Variants in MUC6 observed in about 807,000 individuals in gnomAD.
MUC6 encodes mucin-6.
In MUC6, 188 loss-of-function variants were observed where a neutral mutation model predicts 201.5. The ratio of observed to expected loss-of-function variants is 0.93; its 90% CI spans 0.83 to 1.05. MUC6 has a LOEUF of 1.05. Among genes scored for constraint, MUC6 ranks in the 50% least tolerant of loss-of-function variants. The pLI is 0.00. For missense variants in MUC6, 2,706 were observed against 3,256.9 expected, an observed-to-expected ratio of 0.83 and a Z score of 4.12; for synonymous variants, 1,228 against 1,389.4, an observed-to-expected ratio of 0.88 and a Z score of 2.58.
At position 1,013,415 on chromosome 11, in the gene MUC6, T is replaced by A; in HGVS notation, c.*41A>T. 6.6e-7 allele frequency: 1 copy of A among 1,522,110 alleles called. No homozygotes were observed. Among genetic ancestry groups the A allele is most frequent in the Non-Finnish European group, 8.8e-7 (1 of 1,130,942 alleles). The allele number at this position is 1,522,110 out of a possible 1,614,324, so 94.3% of individuals were successfully genotyped here. A position where few individuals can be genotyped will look rare whatever the true frequency, so the allele number is the denominator to read the frequency against. ...CTGGTGGGTGTTTTCCTGTCTGTCA[T>A]CTGCAGTCCTTCAGCCCCAGGAGAG... On this transcript the variant is annotated 3_prime_UTR_variant, in exon 33 of 33. Coordinates refer to ENST00000421673, the MANE Select transcript of MUC6 (RefSeq NM_005961.3).
intron 1 of MUC6, among the ~76,000 whole-genome samples, chr11:1,034,809 T>C (rs1857180813): frequency 6.6e-6 from 1 of 152,052 alleles, no homozygotes; most frequent in African/African-American, 2.4e-5. Context: ...CTGCCCCGGG[T>C]GGGTGCCTCA....
At position 1,031,181 on chromosome 11, in the gene MUC6, C is replaced by A. The variant is rs867922769; in HGVS notation, c.562G>T (p.Val188Phe). 8.4e-6 allele frequency: 13 copies of A among 1,552,620 alleles called. No individual in the cohort carries two copies. Among genetic ancestry groups the A allele is most frequent in the Non-Finnish European group, 1.1e-5 (13 of 1,147,694 alleles). ...TGCCCCCACCTACCCTCCTCACTGA[C>A]AAACTCGTTGGTCACCTTCCCGTCA... ...NFDGKVTNEF[V>F]SEEGKFLEPH... The change falls in exon 5 of 33, where the codon GTC becomes TTC. Residue 188 changes from valine to phenylalanine, a missense_variant. Physicochemically the swap from Val to Phe is conservative, Grantham distance 50. Transcript: ENST00000421673.
At chr11:1,021,336 G>A in intron 26 of MUC6, 59 bp from the exon 27 acceptor site, 1 of 1,100,284 alleles carries the variant, frequency 9.1e-7, no homozygotes, top group Non-Finnish European at 1.2e-6. Flanking sequence ...CCACCTGCGT[G>A]TTTCCTGCCC....
In MUC6 at chr11:1,026,355, C is replaced by G; in HGVS notation, c.2518G>C (p.Ala840Pro). The stretch of plus-strand genomic sequence containing the variant: ...GTCCTGCAGTCAGTGTGGAGCTCAG[C>G]TCCTCCAGGGTAGGAGACCCCCGAG... ...EFSGVSYPGGAELHTDCRTCS... is the reference protein window; with the variant it reads ...EFSGVSYPGGPELHTDCRTCS... Residue 840 changes from alanine to proline, a missense_variant, in exon 20 of 33, where the codon GCT (alanine) becomes CCT (proline). By Grantham distance (27) the Ala-to-Pro change is conservative (BLOSUM62 -1). Coordinates refer to ENST00000421673, the MANE Select transcript of MUC6 (RefSeq NM_005961.3). 1 of 1,595,358 alleles carries G rather than the reference C, an allele frequency of 6.3e-7. No individual in the cohort carries two copies. The highest frequency in any genetic ancestry group is 8.5e-7 in the Non-Finnish European group (1 of 1,171,346).
chr11:1,026,344 G>C lies in MUC6; in HGVS notation c.2529C>G (p.His843Gln), dbSNP rs771608809. Reference protein sequence around the residue: ...GVSYPGGAELHTDCRTCSCSR... With the variant: ...GVSYPGGAELQTDCRTCSCSR... Reference sequence around the variant, plus strand: ...TGTCTCACCAGGTCCTGCAGTCAGTGTGGAGCTCAGCTCCTCCAGGGTAGG... The same window carrying C: ...TGTCTCACCAGGTCCTGCAGTCAGTCTGGAGCTCAGCTCCTCCAGGGTAGG... Residue 843 changes from histidine (H) to glutamine (Q), a missense_variant, in exon 20 of 33, where the codon CAC becomes CAG. His to Gln is a conservative substitution (Grantham distance 24). This residue lies in a region of MUC6 where 1,850 missense variants were observed against 1,958.3 expected (regional missense o/e 0.94). Transcript: ENST00000421673. 46 of 1,592,462 alleles carry C rather than the reference G, an allele frequency of 2.9e-5. No individual in the cohort carries two copies. Among genetic ancestry groups the C allele is most frequent in the Non-Finnish European group, 3.8e-5 (44 of 1,169,640 alleles).
Position 1,030,669 on chromosome 11 carries a change from G to T in MUC6, c.796C>A (p.Pro266Thr). 1 of 1,550,428 alleles carries T rather than the reference G, an allele frequency of 6.4e-7. No homozygotes were observed. Residue 266 changes from proline to threonine, a missense_variant, in exon 7 of 33, where the codon CCA becomes ACA. Pro to Thr is a conservative substitution (Grantham distance 38, BLOSUM62 -1). This residue lies in a region of MUC6 where 1,850 missense variants were observed against 1,958.3 expected (regional missense o/e 0.94). Transcript: ENST00000421673. Reference protein sequence around the residue: ...ADVAAAPQPGPQNSSCATLSE... With the variant: ...ADVAAAPQPGTQNSSCATLSE... Reference sequence around the variant, plus strand: ...AGGGTGGCACAACTGCTGTTCTGTGGGCCTGGCTGGGGGGCTGCGGCCACG... The same window carrying T: ...AGGGTGGCACAACTGCTGTTCTGTGTGCCTGGCTGGGGGGCTGCGGCCACG...
intron 29 of MUC6, 143 bp downstream of exon 29, chr11:1,019,947 C>G (rs1856769893): frequency 8.6e-7 from 1 of 1,161,142 alleles, no homozygotes; most frequent in Non-Finnish European, 1.2e-6. Flanking sequence ...GTTTGGCTCC[C>G]AAGCATAGGA....
Position 1,017,324 on chromosome 11 carries a change from T to TA in MUC6, c.5476dup (p.Tyr1826LeufsTer85), listed in dbSNP as rs746283239. On this transcript the variant is annotated frameshift_variant, in exon 31 of 33. Coordinates refer to ENST00000421673, the MANE Select transcript of MUC6 (RefSeq NM_005961.3). LOFTEE classifies it high-confidence loss of function. ...GGTGTGAGGGTGTGATGGGGTTGGA[T>TA]AGGTAGTGGTGGTCTGGAAGGATGT... is the stretch of plus-strand genomic sequence containing the variant. 6.2e-7 allele frequency: 1 copy of TA among 1,613,926 alleles called. No individual in the cohort carries two copies. Among genetic ancestry groups the TA allele is most frequent in the South Asian group, 1.1e-5 (1 of 91,082 alleles).
intron 24 of MUC6, among the ~76,000 whole-genome samples, chr11:1,024,560 G>C (rs1434868251): frequency 2.0e-5 from 3 of 152,208 alleles, no homozygotes; most frequent in African/African-American, 4.8e-5. Flanking sequence ...TGAGCAGGGG[G>C]CCCACCAGGC....
chr11:1,032,892 G>C, intron 2 of MUC6, 121 bp downstream of exon 2: 1 of 772,620 alleles, frequency 1.3e-6, no homozygotes, highest in Non-Finnish European at 2.0e-6. Context: ...TGTTCATGTT[G>C]GTGCATATAT....
Position 1,029,089 on chromosome 11 carries a change from T to A in MUC6, c.1337A>T (p.His446Leu), listed in dbSNP as rs1324526899. ...CACAGCCACCAGGGAGGTCTCGGAG[T>A]GTGAGACGCCGGACTTGTCGTACAC... is the stretch of plus-strand genomic sequence containing the variant. ...MAVYDKSGVSHSETSLVAVVY... is the reference protein window; with the variant it reads ...MAVYDKSGVSLSETSLVAVVY... The change falls in exon 11 of 33, where the codon CAC becomes CTC. Residue 446 changes from histidine (H) to leucine (L), a missense_variant. His to Leu is a moderately conservative substitution (Grantham distance 99, BLOSUM62 -3). Around this residue, in one of 10 missense-constraint regions of MUC6, gnomAD observed 1,850 missense variants for 1,958.3 expected, o/e 0.94. Transcript: ENST00000421673. The A allele has an allele frequency of 2.5e-6, 4 of 1,612,022 alleles. No individual in the cohort carries two copies. Among genetic ancestry groups the A allele is most frequent in the Non-Finnish European group, 3.4e-6 (4 of 1,179,634 alleles).
rs764300319 is a variant in MUC6 at position 1,016,600 on chromosome 11, G to A, written c.6201C>T (p.Thr2067=). 10 of 1,613,732 alleles carry A rather than the reference G, an allele frequency of 6.2e-6. No homozygotes were observed. Among genetic ancestry groups the A allele is most frequent in the South Asian group, 1.1e-5 (1 of 91,080 alleles). The change falls in exon 31 of 33, where the codon ACC becomes ACT. Residue 2067 remains threonine, a synonymous_variant. Coordinates refer to ENST00000421673, the MANE Select transcript of MUC6 (RefSeq NM_005961.3). ...TGTGGGTTTGGCTGGTCCCACTGGT[G>A]GTCACTGTCATTGGTGGGGCTGTGT... ...STHTAPPMTV[T]TSGTSQTHSS... is the part of the protein sequence containing the mutation.
intron 1 of MUC6, among the ~76,000 whole-genome samples, chr11:1,035,004 G>A (rs1857185882): frequency 6.6e-6 from 1 of 152,224 alleles, no homozygotes; most frequent in South Asian, 2.1e-4. Context: ...GGGCATCTGG[G>A]CGGGTTGGTC....
intron 26 of MUC6, among the ~76,000 whole-genome samples, chr11:1,021,501 G>C (rs1402881529): frequency 3.3e-5 from 5 of 151,940 alleles, no homozygotes; most frequent in Non-Finnish European, 7.4e-5. Context: ...CTCCCAGGTA[G>C]CTGCGATTGC....
chr11:1,026,566 G>C, intron 19 of MUC6, 88 bp from the exon 20 acceptor site: 1 of 1,362,480 alleles, frequency 7.3e-7, no homozygotes, highest in Non-Finnish European at 9.7e-7. Context: ...TGCCCGGCGT[G>C]TCTCCCAGGT....
Position 1,013,883 on chromosome 11 carries a change from C to T in MUC6, c.7142+16G>A. On this transcript the variant is annotated intron_variant, in intron 32 of 32. Transcript: ENST00000421673. ...CCTTGGTGGACGTGGGGCAGGCCTC[C>T]CACCTGTGGACTCACCTGGCAGCGG... is the stretch of plus-strand genomic sequence containing the variant. 1 of 1,594,466 alleles carries T rather than the reference C, an allele frequency of 6.3e-7. No individual in the cohort carries two copies. Among genetic ancestry groups the T allele is most frequent in the Non-Finnish European group, 8.5e-7 (1 of 1,171,962 alleles).
chr11:1,024,936 C>CT lies in MUC6; in HGVS notation c.3132dup (p.Asp1045ArgfsTer49). The CT allele has an allele frequency of 6.2e-7, 1 of 1,613,014 alleles. No homozygotes were observed. Among genetic ancestry groups the CT allele is most frequent in the Non-Finnish European group, 8.5e-7 (1 of 1,179,900 alleles). ...CGGAAGGCATTGAGACTGCAGGGGT[C>CT]TGTCACGAAGCTCACGTCCCCGCAC... On this transcript the variant is annotated frameshift_variant, in exon 24 of 33. Coordinates refer to ENST00000421673, the MANE Select transcript of MUC6 (RefSeq NM_005961.3). LOFTEE classifies it high-confidence loss of function.
At position 1,013,186 on chromosome 11, in the gene MUC6, G is replaced by T; in HGVS notation, c.*270C>A. 1 of 524,474 alleles carries T rather than the reference G, an allele frequency of 1.9e-6. No homozygotes were observed. Among genetic ancestry groups the T allele is most frequent in the South Asian group, 2.7e-5 (1 of 37,188 alleles). The allele number at this position is 524,474 out of a possible 1,614,324, so 32.5% of individuals were successfully genotyped here. A position where few individuals can be genotyped will look rare whatever the true frequency, so the allele number is the denominator to read the frequency against. On this transcript the variant is annotated 3_prime_UTR_variant, in exon 33 of 33. Coordinates refer to ENST00000421673, the MANE Select transcript of MUC6 (RefSeq NM_005961.3). ...TTGGACGGTGGGCAGGGGTGGTCGG[G>T]AGTGCCCTGTGTGCCTGGGAGGTCC...
chr11:1,030,885 TTGG>T, intron 6 of MUC6, 59 bp downstream of exon 6: 2 of 1,532,604 alleles, frequency 1.3e-6, no homozygotes, highest in East Asian at 2.4e-5. Flanking sequence ...GTGGGGGCCC[TTGG>T]TGGTCTCGGC....
Sources: allele counts gnomAD v4.1 joint callset (sites outside exome capture counted in the v4.1 genomes callset), GRCh38; gene constraint gnomAD v4.1.1; regional missense constraint gnomAD v4.1.1; transcripts MANE v1.5; gene names NCBI Gene and HGNC (gene_info 2026-07-23, HGNC 2026-07-21).